The following CNTN5 variants were observed in gnomAD, a reference collection of about 807,000 sequenced individuals.
CNTN5 encodes the protein contactin-5.
Under a neutral mutation model 129.1 loss-of-function variants are expected in CNTN5, and 77 were observed. The ratio of observed to expected loss-of-function variants is 0.60; its 90% CI spans 0.50 to 0.72. The LOEUF is 0.72. Among genes scored for constraint, CNTN5 ranks in the 30% least tolerant of loss-of-function variants. The pLI is 0.00. For missense variants in CNTN5, 1,478 were observed against 1,328.8 expected, an observed-to-expected ratio of 1.11 and a Z score of -1.75; for synonymous variants, 509 against 465.6, an observed-to-expected ratio of 1.09 and a Z score of -1.20.
At chr11:99,791,777 T>C (rs1254363767) in intron 3 of CNTN5, among the ~76,000 whole-genome samples, 1 of 152,158 alleles carries the variant, frequency 6.6e-6, no homozygotes, top group African/African-American at 2.4e-5. Context: ...CTTTTCTGAT[T>C]TCTTAGAGCA....
At chr11:99,915,274 G>A (rs781566669) in intron 6 of CNTN5, among the ~76,000 whole-genome samples, 1 of 152,034 alleles carries the variant, frequency 6.6e-6, no homozygotes, top group African/African-American at 2.4e-5. Context: ...AGTTTAATAA[G>A]CAATAATAGA....
rs987943542 is a variant in CNTN5 at position 99,089,916 on chromosome 11, C to A, written c.-210+68646C>A. ...CAGGTCTATGATAATTATTAAATAT[C>A]AGTTTTTCAATGGTTTTCCTAGCCA... On this transcript the variant is annotated intron_variant, in intron 1 of 24. Transcript: ENST00000524871. Among the ~76,000 whole-genome samples, 38 of 152,200 alleles carry A rather than the reference C, an allele frequency of 2.5e-4. 1 individual carries two copies. The highest frequency in any genetic ancestry group is 8.9e-4 in the African/African-American group (37 of 41,532).
At chr11:99,628,641 CACA>C (rs1951223186) in intron 3 of CNTN5, among the ~76,000 whole-genome samples, 3 of 151,436 alleles carry the variant, frequency 2.0e-5, no homozygotes, top group Non-Finnish European at 4.4e-5. Context: ...CACACACACA[CACA>C]CACACACAGA....
At chr11:99,322,663 G>A (rs1392318447) in intron 1 of CNTN5, among the ~76,000 whole-genome samples, 1 of 152,080 alleles carries the variant, frequency 6.6e-6, no homozygotes, top group African/African-American at 2.4e-5. Context: ...TACAGGCAGA[G>A]TCTATTCAAG....
intron 1 of CNTN5, among the ~76,000 whole-genome samples, chr11:99,051,536 T>C (rs550104656): frequency 6.6e-6 from 1 of 152,056 alleles, no homozygotes; most frequent in African/African-American, 2.4e-5. Context: ...ACAAGCTTGG[T>C]TTATTTTTGT....
chr11:99,309,081 T>C (rs900902827), intron 1 of CNTN5, among the ~76,000 whole-genome samples: 2 of 152,158 alleles, frequency 1.3e-5, no homozygotes, highest in Admixed American at 6.5e-5. Flanking sequence ...GTCATAGTTA[T>C]TTTGAAATTA....
intron 3 of CNTN5, among the ~76,000 whole-genome samples, chr11:99,794,221 T>C (rs576146090): frequency 1.3e-5 from 2 of 152,046 alleles, no homozygotes; most frequent in South Asian, 2.1e-4. Flanking sequence ...ACAGCCTTTT[T>C]TGTCTGAAAT....
At position 100,130,815 on chromosome 11, in the gene CNTN5, G is replaced by T. The variant is rs532843493; in HGVS notation, c.1580+56521G>T. Among the ~76,000 whole-genome samples, 28 of 152,178 alleles carry T rather than the reference G, an allele frequency of 1.8e-4. 1 individual carries two copies. In the South Asian group the frequency reaches 5.2e-3, roughly 28 times the overall value. The stretch of plus-strand genomic sequence containing the variant: ...GTTAAAGAGATGGCATGATCCACAG[G>T]AAGTACAGTTTTGGCGGGGGAAAAT... On this transcript the variant is annotated intron_variant, in intron 13 of 24. Transcript: ENST00000524871.
chr11:99,046,595 G>T (rs1438747441), intron 1 of CNTN5, among the ~76,000 whole-genome samples: 2 of 152,054 alleles, frequency 1.3e-5, no homozygotes. Flanking sequence ...CATTTTCTCA[G>T]CACTCTAGCT....
chr11:100,214,891 G>C (rs1274609498), intron 15 of CNTN5, among the ~76,000 whole-genome samples: 1 of 152,184 alleles, frequency 6.6e-6, no homozygotes, highest in Non-Finnish European at 1.5e-5. Context: ...AGCAAGGATG[G>C]CTTGAATATG....
chr11:99,614,387 T>A (rs1196478222), intron 3 of CNTN5, among the ~76,000 whole-genome samples: 1 of 152,226 alleles, frequency 6.6e-6, no homozygotes, highest in Admixed American at 6.5e-5. Flanking sequence ...ACTTATATTT[T>A]GCTTTTTTCA....
chr11:99,082,987 C>T (rs187890497), intron 1 of CNTN5, among the ~76,000 whole-genome samples: 2 of 152,018 alleles, frequency 1.3e-5, no homozygotes, highest in East Asian at 1.9e-4. Flanking sequence ...TTTCTACATT[C>T]CCCCTTCTTA....
intron 6 of CNTN5, among the ~76,000 whole-genome samples, chr11:99,894,448 C>T (rs1273189732): frequency 3.6e-5 from 5 of 139,476 alleles, no homozygotes; most frequent in Non-Finnish European, 7.7e-5. Flanking sequence ...TTTTGTTTAC[C>T]ACCTGCAAAA....
At chr11:99,682,226 T>TG (rs1265547389) in intron 3 of CNTN5, among the ~76,000 whole-genome samples, 1 of 151,704 alleles carries the variant, frequency 6.6e-6, no homozygotes, top group Non-Finnish European at 1.5e-5. Flanking sequence ...TTAAAAGGGG[T>TG]GAGGATATGA....
rs60351924 is a variant in CNTN5, at chr11:100,277,866, T to C, written c.2314+6625T>C. ...TTTAGTTTTCTGTGCTTGTGGTATA[T>C]TGCTCAAGAAGTCTTTGCCTACTCC... is the stretch of plus-strand genomic sequence containing the variant. On this transcript the variant is annotated intron_variant, in intron 18 of 24. Transcript: ENST00000524871. 4.0e-3 allele frequency among the ~76,000 whole-genome samples: 604 copies of C among 152,226 alleles called. 3 individuals are homozygous for C. Among genetic ancestry groups the C allele is most frequent in the Middle Eastern group, 0.024 (7 of 294 alleles).
chr11:100,187,944 CTAAT>C (rs1038438292), intron 13 of CNTN5, among the ~76,000 whole-genome samples: 1 of 152,068 alleles, frequency 6.6e-6, no homozygotes, highest in African/African-American at 2.4e-5. Flanking sequence ...CAAGTGTGAC[CTAAT>C]TAAACTAAAG....
At chr11:100,110,425 C>T in intron 13 of CNTN5, among the ~76,000 whole-genome samples, 1 of 151,432 alleles carries the variant, frequency 6.6e-6, no homozygotes, top group East Asian at 1.9e-4. Context: ...TATAGGATTG[C>T]TATTTTTTTT....
chr11:99,962,988 C>T (rs1214651720), intron 8 of CNTN5, among the ~76,000 whole-genome samples: 1 of 151,894 alleles, frequency 6.6e-6, no homozygotes, highest in Admixed American at 6.6e-5. Flanking sequence ...ATCCTTCGCC[C>T]ACTTTTTGAT....
chr11:99,966,544 T>C (rs1219674114), intron 8 of CNTN5, among the ~76,000 whole-genome samples: 1 of 152,208 alleles, frequency 6.6e-6, no homozygotes, highest in Non-Finnish European at 1.5e-5. Context: ...CAGAGTGTAA[T>C]TCTCTTAGCA....
Sources: gnomAD v4.1 joint callset for allele counts (sites outside exome capture counted in the v4.1 genomes callset) on GRCh38, gnomAD v4.1.1 for gene constraint, MANE v1.5 for transcripts, NCBI Gene and HGNC (gene_info 2026-07-23, HGNC 2026-07-21) for gene names.